The following USP14 variants were observed in gnomAD, a reference collection of about 807,000 sequenced individuals.
USP14 encodes the protein ubiquitin carboxyl-terminal hydrolase 14.
In USP14, 38 loss-of-function variants were observed where a neutral mutation model predicts 76.5. That is an observed-to-expected ratio of 0.50 (90% confidence interval 0.38 to 0.65). The LOEUF (loss-of-function observed/expected upper bound fraction) is 0.65. Among genes scored for constraint, USP14 ranks in the 30% least tolerant of loss-of-function variants. The probability of loss-of-function intolerance (pLI) is 0.00; values close to 1 mark genes in which losing one functional copy is unlikely to be tolerated. For missense variants in USP14, 467 were observed against 586.5 expected (o/e 0.80, Z 2.10); for synonymous variants, 192 against 191.7 (o/e 1.00, Z -0.01).
intron 3 of USP14, among the ~76,000 whole-genome samples, chr18:173,254 C>A (rs1233587084): frequency 6.6e-6 from 1 of 150,532 alleles, no homozygotes; most frequent in African/African-American, 2.4e-5. Flanking sequence ...ACTACAGGTG[C>A]CTGCCACCAC....
At chr18:188,597 T>C (rs549301140) in intron 5 of USP14, among the ~76,000 whole-genome samples, 1 of 152,134 alleles carries the variant, frequency 6.6e-6, no homozygotes, top group South Asian at 2.1e-4. Flanking sequence ...TTATTTTCTT[T>C]CATGTTTTTA....
At chr18:168,420 A>G (rs979290417) in intron 3 of USP14, among the ~76,000 whole-genome samples, 1 of 152,176 alleles carries the variant, frequency 6.6e-6, no homozygotes. Context: ...CTTTATTGAC[A>G]TATAATTGAT....
Position 179,028 on chromosome 18 carries a change from A to C in USP14, c.291A>C (p.Leu97Phe). The C allele has an allele frequency of 1.2e-6, 2 of 1,607,444 alleles. No homozygotes were observed. Among genetic ancestry groups the C allele is most frequent in the Non-Finnish European group, 1.7e-6 (2 of 1,177,828 alleles). ...TAGAAGACATGACAGAAGAACAGTT[A>C]GCATCTGCTGTAAGACACACCAGAT... is the stretch of plus-strand genomic sequence containing the variant. ...VFVEDMTEEQ[L>F]ASAMELPCGL... The change falls in exon 4 of 16, where the codon TTA (leucine) becomes TTC (phenylalanine). Residue 97 changes from leucine to phenylalanine, a missense_variant. Coordinates refer to ENST00000261601, the MANE Select transcript of USP14 (RefSeq NM_005151.4).
Position 188,017 on chromosome 18 carries a change from T to C in USP14, c.405-4825T>C, listed in dbSNP as rs528082243. Among the ~76,000 whole-genome samples, 280 of 152,340 alleles carry C rather than the reference T, an allele frequency of 1.8e-3. 1 individual carries two copies. The highest frequency in any genetic ancestry group is 3.5e-3 in the Non-Finnish European group (235 of 68,012). ...TTTCAGGTAGTTTACTTCATGTTTC[T>C]TTCGTGCTTCACTGGCTAGAACTTT... On this transcript the variant is annotated intron_variant, in intron 5 of 15. Coordinates refer to ENST00000261601, the MANE Select transcript of USP14 (RefSeq NM_005151.4).
intron 3 of USP14, among the ~76,000 whole-genome samples, chr18:169,916 T>A (rs573526019): frequency 1.3e-5 from 2 of 152,292 alleles, no homozygotes; most frequent in East Asian, 3.9e-4. Context: ...CAAATGTGTC[T>A]TCTGACAGCC....
intron 2 of USP14, among the ~76,000 whole-genome samples, chr18:165,483 C>T (rs979035938): frequency 2.6e-5 from 4 of 152,102 alleles, no homozygotes; most frequent in Non-Finnish European, 5.9e-5. Flanking sequence ...GGTATGCTGT[C>T]GAGAATTATA....
rs1040572982 is a variant in USP14, at chr18:213,326, A to T, written c.*2042A>T. The T allele has an allele frequency of 3.3e-5, 5 of 150,602 alleles. No individual in the cohort carries two copies. Among genetic ancestry groups the T allele is most frequent in the South Asian group, 2.2e-4 (1 of 4,632 alleles). The allele number at this position is 150,602 out of a possible 1,614,324, so 9.3% of individuals were successfully genotyped here. On this transcript the variant is annotated 3_prime_UTR_variant, in exon 16 of 16. Transcript: ENST00000261601. ...CTTGTATGGACTATATTAGAATTTT[A>T]AAAATTGTAATTAATTCCTTATCAT... is the stretch of plus-strand genomic sequence containing the variant.
At chr18:171,358 T>C (rs189076051) in intron 3 of USP14, among the ~76,000 whole-genome samples, 5 of 152,216 alleles carry the variant, frequency 3.3e-5, no homozygotes, top group Admixed American at 3.3e-4. Context: ...CTAATGACTT[T>C]AAGTTGAAAC....
Position 212,703 on chromosome 18 carries a change from A to ATGAT in USP14, c.*1420_*1423dup, listed in dbSNP as rs1910703653. 1 of 152,230 alleles carries ATGAT rather than the reference A, an allele frequency of 6.6e-6. No homozygotes were observed. The highest frequency in any genetic ancestry group is 2.1e-4 in the South Asian group (1 of 4,836). The allele number at this position is 152,230 out of a possible 1,614,324, so 9.4% of individuals were successfully genotyped here. A position where few individuals can be genotyped will look rare whatever the true frequency, so the allele number is the denominator to read the frequency against. Reference sequence around the variant, plus strand: ...TACCAAGCATATGAGGTATTTCAATATGATAGGCTTCTTACATTTTAATAG... The same window carrying ATGAT: ...TACCAAGCATATGAGGTATTTCAATATGATTGATAGGCTTCTTACATTTTAATAG... On this transcript the variant is annotated 3_prime_UTR_variant, in exon 16 of 16. Coordinates refer to ENST00000261601, the MANE Select transcript of USP14 (RefSeq NM_005151.4).
chr18:204,866 A>T (rs145171141), intron 13 of USP14, among the ~76,000 whole-genome samples, 174 bp downstream of exon 13: 12 of 151,728 alleles, frequency 7.9e-5, no homozygotes, highest in African/African-American at 2.7e-4. Context: ...TCCATATATC[A>T]GTGCAGATCT....
At chr18:179,899 C>T (rs1168368378) in intron 4 of USP14, among the ~76,000 whole-genome samples, 1 of 151,746 alleles carries the variant, frequency 6.6e-6, no homozygotes, top group African/African-American at 2.4e-5. Context: ...CTGTGCCCAA[C>T]CTGTTATTTT....
In USP14 at chr18:199,871, T is replaced by C. The variant is rs532523682; in HGVS notation, c.876+555T>C. On this transcript the variant is annotated intron_variant, in intron 10 of 15. Transcript: ENST00000261601. ...AATCCTGTATTTCCCCTAGGAGCAG[T>C]GGTTCAGTATTCATTGATTCAGTGC... Among the ~76,000 whole-genome samples the C allele has an allele frequency of 7.2e-5, 11 of 152,342 alleles. No homozygotes were observed. In the East Asian group the frequency reaches 1.2e-3, roughly 16 times the overall value.
At chr18:182,325 T>C (rs1909809402) in intron 5 of USP14, among the ~76,000 whole-genome samples, 1 of 152,226 alleles carries the variant, frequency 6.6e-6, no homozygotes. Flanking sequence ...GATAGAATTC[T>C]GAACTACAAT....
At chr18:188,488 G>A (rs1277970311) in intron 5 of USP14, among the ~76,000 whole-genome samples, 1 of 145,438 alleles carries the variant, frequency 6.9e-6, no homozygotes, top group African/African-American at 2.5e-5. Context: ...CTGATTTATA[G>A]CATTCTGTCT....
At chr18:205,251 T>C (rs1910497848) in intron 13 of USP14, among the ~76,000 whole-genome samples, 1 of 152,212 alleles carries the variant, frequency 6.6e-6, no homozygotes, top group Non-Finnish European at 1.5e-5. Flanking sequence ...ATAAGCTTAA[T>C]ATTTTCCTTC....
intron 6 of USP14, among the ~76,000 whole-genome samples, chr18:194,659 G>A (rs532779581): frequency 6.6e-6 from 1 of 152,240 alleles, no homozygotes; most frequent in Non-Finnish European, 1.5e-5. Flanking sequence ...GGCTGGGTGC[G>A]GTGGCTCATG....
intron 3 of USP14, among the ~76,000 whole-genome samples, chr18:171,025 AATATATAT>A (rs57888885): frequency 7.3e-4 from 35 of 47,642 alleles, no homozygotes; most frequent in East Asian, 1.8e-3. Flanking sequence ...AAAAAAAAAA[AATATATAT>A]ATATATATAT....
intron 8 of USP14, 100 bp from the exon 9 acceptor site, chr18:197,944 GACT>G: frequency 1.0e-6 from 1 of 968,868 alleles, no homozygotes; most frequent in Non-Finnish European, 1.5e-6. Context: ...TACTGTAAGG[GACT>G]ACATTTTTAA....
At chr18:199,538 C>A (rs1473661357) in intron 10 of USP14, among the ~76,000 whole-genome samples, 1 of 152,090 alleles carries the variant, frequency 6.6e-6, no homozygotes, top group African/African-American at 2.4e-5. Context: ...AATGTTAGAA[C>A]TGTTGTTTTA....
Sources: allele counts gnomAD v4.1 joint callset (sites outside exome capture counted in the v4.1 genomes callset), GRCh38; gene constraint gnomAD v4.1.1; transcripts MANE v1.5; gene names NCBI Gene and HGNC (gene_info 2026-07-23, HGNC 2026-07-21).